The following ERI1 variants were observed in gnomAD, a reference collection of about 807,000 sequenced individuals.
The protein encoded by ERI1 is exoribonuclease 1.
In ERI1, 39 loss-of-function variants were observed where a neutral mutation model predicts 39.7. That is an observed-to-expected ratio of 0.98 (90% CI 0.76 to 1.28). The LOEUF (loss-of-function observed/expected upper bound fraction) is 1.28. Ranked by LOEUF, ERI1 falls within the 50% of genes most tolerant of loss-of-function variation. The pLI is 0.00. For synonymous variants in ERI1, 204 were observed against 149.6 expected, an observed-to-expected ratio of 1.36 and a Z score of -2.65; for missense variants, 581 against 416.9, an observed-to-expected ratio of 1.39 and a Z score of -3.43.
chr8:9,097,310 C>T (rs1208297977), intron 3 of ERI1, among the ~76,000 whole-genome samples: 1 of 152,134 alleles, frequency 6.6e-6, no homozygotes, highest in Non-Finnish European at 1.5e-5. Context: ...CTAGGCATTG[C>T]ATTTGGTACT....
intron 3 of ERI1, among the ~76,000 whole-genome samples, chr8:9,084,927 G>A (rs1799478877): frequency 6.6e-6 from 1 of 152,144 alleles, no homozygotes; most frequent in Non-Finnish European, 1.5e-5. Flanking sequence ...TATTAAGTAT[G>A]GGTTTATGGG....
chr8:9,082,839 C>G (rs1443117353), intron 3 of ERI1, among the ~76,000 whole-genome samples: 1 of 152,106 alleles, frequency 6.6e-6, no homozygotes. Context: ...AGAGTCCGGT[C>G]TAGTCAGTTC....
intron 6 of ERI1, among the ~76,000 whole-genome samples, chr8:9,025,023 T>C (rs1370942936): frequency 1.3e-5 from 2 of 152,194 alleles, no homozygotes; most frequent in East Asian, 1.9e-4. Flanking sequence ...CAGGATACTT[T>C]GCAGAAATCC....
chr8:9,060,414 G>A (rs1036814388), intron 3 of ERI1, among the ~76,000 whole-genome samples: 12 of 151,898 alleles, frequency 7.9e-5, no homozygotes, highest in African/African-American at 2.7e-4. Flanking sequence ...GGGGGCGGGG[G>A]CAAATCTCCA....
intron 3 of ERI1, among the ~76,000 whole-genome samples, chr8:9,012,439 G>C (rs1414625062): frequency 1.3e-5 from 2 of 152,178 alleles, no homozygotes; most frequent in African/African-American, 4.8e-5. Flanking sequence ...TCACTTCTGT[G>C]ATATCCTCAG....
At chr8:9,061,148 C>T (rs1263768088) in intron 3 of ERI1, among the ~76,000 whole-genome samples, 1 of 152,168 alleles carries the variant, frequency 6.6e-6, no homozygotes, top group Non-Finnish European at 1.5e-5. Context: ...CATAGCCTGC[C>T]TTTGCTGATG....
intron 3 of ERI1, among the ~76,000 whole-genome samples, chr8:9,074,513 C>G (rs1402429774): frequency 1.3e-5 from 2 of 152,150 alleles, no homozygotes; most frequent in East Asian, 3.8e-4. Flanking sequence ...AAGAACATGG[C>G]TCACTGCAGC....
intron 1 of ERI1, among the ~76,000 whole-genome samples, chr8:9,006,020 G>T (rs573531157): frequency 4.0e-4 from 61 of 152,302 alleles, no homozygotes; most frequent in African/African-American, 1.4e-3. Flanking sequence ...TATATGGTCC[G>T]TATTATATGT....
intron 1 of ERI1, among the ~76,000 whole-genome samples, chr8:9,007,507 A>G (rs911318877): frequency 6.6e-6 from 1 of 152,222 alleles, no homozygotes; most frequent in African/African-American, 2.4e-5. Flanking sequence ...ATTAATAGCT[A>G]CTGTGGGTGT....
intron 3 of ERI1, among the ~76,000 whole-genome samples, chr8:9,042,255 T>A (rs1262573272): frequency 6.6e-6 from 1 of 152,216 alleles, no homozygotes; most frequent in Admixed American, 6.5e-5. Context: ...GCTGTGTCCT[T>A]GGTCCTCCCT....
intron 3 of ERI1, among the ~76,000 whole-genome samples, chr8:9,043,160 C>T (rs969842012): frequency 6.6e-6 from 1 of 152,206 alleles, no homozygotes; most frequent in African/African-American, 2.4e-5. Context: ...TATTCTACTT[C>T]TTCGTGTATA....
chr8:9,007,932 ATCCTTTTTTT>A (rs1563307950), intron 1 of ERI1, 28 bp from the exon 2 acceptor site: 10 of 1,529,620 alleles, frequency 6.5e-6, no homozygotes, highest in East Asian at 2.3e-5. Flanking sequence ...TATAAACTAC[ATCCTTTTTTT>A]TTTTTTTTTT....
chr8:9,006,719 C>T (rs1204505793), intron 1 of ERI1, among the ~76,000 whole-genome samples: 1 of 152,024 alleles, frequency 6.6e-6, no homozygotes, highest in Non-Finnish European at 1.5e-5. Flanking sequence ...CTCAGTGTGG[C>T]TGTTCTTTAA....
chr8:9,067,935 C>CACAA (rs1442393398), intron 3 of ERI1, among the ~76,000 whole-genome samples: 5 of 151,852 alleles, frequency 3.3e-5, no homozygotes, highest in Admixed American at 2.0e-4. Flanking sequence ...CACACACACA[C>CACAA]ACACACACAT....
intron 6 of ERI1, among the ~76,000 whole-genome samples, chr8:9,028,844 G>C (rs1200652514): frequency 6.6e-6 from 1 of 151,878 alleles, no homozygotes. Context: ...GGCTGGTCTT[G>C]AACTCCTGAC....
chr8:9,025,061 G>C (rs2409120), intron 6 of ERI1, among the ~76,000 whole-genome samples: 66,959 of 151,928 alleles, frequency 0.44, 15,825 homozygotes, highest in African/African-American at 0.53. Flanking sequence ...AGAGCGTTAA[G>C]TCTGTCTCTG....
intron 3 of ERI1, among the ~76,000 whole-genome samples, chr8:9,071,991 G>C (rs929028059): frequency 2.0e-5 from 3 of 152,284 alleles, no homozygotes; most frequent in South Asian, 2.1e-4. Context: ...ATTTGAACCT[G>C]GGAGGTCGAG....
intron 3 of ERI1, among the ~76,000 whole-genome samples, chr8:9,093,632 A>G (rs1052883777): frequency 1.3e-5 from 2 of 152,132 alleles, no homozygotes; most frequent in Admixed American, 6.5e-5. Context: ...CAGTGGTGCA[A>G]TCTCCGCTCA....
chr8:9,026,155 C>T (rs961493179), intron 6 of ERI1, among the ~76,000 whole-genome samples: 2 of 152,146 alleles, frequency 1.3e-5, no homozygotes, highest in African/African-American at 4.8e-5. Context: ...CCACTTGTGA[C>T]GTTATGTTGG....
Sources: gnomAD v4.1 joint callset for allele counts (sites outside exome capture counted in the v4.1 genomes callset) on GRCh38, gnomAD v4.1.1 for gene constraint, MANE v1.5 for transcripts, NCBI Gene and HGNC (gene_info 2026-07-23, HGNC 2026-07-21) for gene names.